The following FBXW4 variants were observed in gnomAD, a reference collection of about 807,000 sequenced individuals.
FBXW4 encodes F-box and WD repeat domain containing 4.
Under a neutral mutation model 61.8 loss-of-function variants are expected in FBXW4, and 40 were observed. The ratio of observed to expected loss-of-function variants is 0.65; its 90% CI spans 0.50 to 0.84. The LOEUF is 0.84. Ranked by LOEUF, FBXW4 falls within the 40% of genes least tolerant of loss-of-function variation. The pLI, the probability that FBXW4 is intolerant of heterozygous loss-of-function variation, is 0.00. For synonymous variants in FBXW4, 311 were observed against 313.8 expected (o/e 0.99, Z 0.10); for missense variants, 672 against 753.8 (o/e 0.89, Z 1.27).
At chr10:101,689,797 C>T (rs1211749528) in intron 1 of FBXW4, among the ~76,000 whole-genome samples, 1 of 152,192 alleles carries the variant, frequency 6.6e-6, no homozygotes, top group African/African-American at 2.4e-5. Context: ...GTGTCTATCT[C>T]ACCACTCTGG....
rs554193808 is a variant in FBXW4, at chr10:101,621,168, C to T, written c.1301+3577G>A. On this transcript the variant is annotated intron_variant, in intron 6 of 8. Coordinates refer to ENST00000331272, the MANE Select transcript of FBXW4 (RefSeq NM_022039.4). ...CCCATTGTCAAGAGCCTTCCCTGTGCCAGGAGTTCAGCAGGTTCACCTCCG... is the reference window on the plus strand; with the variant it reads ...CCCATTGTCAAGAGCCTTCCCTGTGTCAGGAGTTCAGCAGGTTCACCTCCG... Among the ~76,000 whole-genome samples the T allele has an allele frequency of 1.6e-3, 242 of 152,270 alleles. 1 individual carries two copies. Among genetic ancestry groups the T allele is most frequent in the African/African-American group, 5.7e-3 (237 of 41,528 alleles).
At chr10:101,631,084 G>A (rs747143620) in intron 5 of FBXW4, among the ~76,000 whole-genome samples, 2 of 152,116 alleles carry the variant, frequency 1.3e-5, no homozygotes, top group Admixed American at 1.3e-4. Context: ...AACTAAAGCC[G>A]AATAAGAACA....
At chr10:101,614,419 C>T (rs1375773406) in intron 6 of FBXW4, among the ~76,000 whole-genome samples, 1 of 152,200 alleles carries the variant, frequency 6.6e-6, no homozygotes, top group Non-Finnish European at 1.5e-5. Context: ...CCAGACTGGG[C>T]TGCCAAGCTG....
intron 5 of FBXW4, among the ~76,000 whole-genome samples, chr10:101,652,083 TC>T (rs1260557220): frequency 3.9e-5 from 6 of 152,052 alleles, no homozygotes; most frequent in Non-Finnish European, 7.4e-5. Flanking sequence ...TCTGATTCCT[TC>T]TTTGCTTCCC....
In FBXW4 at chr10:101,694,256, C is replaced by T; in HGVS notation, c.725+125G>A. 1 of 896,642 alleles carries T rather than the reference C, an allele frequency of 1.1e-6. No individual in the cohort carries two copies. Among genetic ancestry groups the T allele is most frequent in the Non-Finnish European group, 1.5e-6 (1 of 663,164 alleles). The allele number at this position is 896,642 out of a possible 1,614,324, so 55.5% of individuals were successfully genotyped here. The stretch of plus-strand genomic sequence containing the variant: ...CTCGGGAAAGGGTGTAGGCGGAGGT[C>T]AGGTGTAGGCCTAGAAACTCGGGGT... On this transcript the variant is annotated intron_variant, in intron 1 of 8. Transcript: ENST00000331272. The surrounding 1 kb of genome is among the most constrained non-coding windows in gnomAD (Gnocchi z 6.0).
intron 3 of FBXW4, 96 bp downstream of exon 3, chr10:101,673,392 A>T (rs2064376549): frequency 7.2e-7 from 1 of 1,387,930 alleles, no homozygotes; most frequent in Non-Finnish European, 1.0e-6. Context: ...CTCCCTCCTC[A>T]TCCCTTTGGA....
At chr10:101,692,114 G>C (rs1246171268) in intron 1 of FBXW4, among the ~76,000 whole-genome samples, 1 of 151,720 alleles carries the variant, frequency 6.6e-6, no homozygotes, top group Non-Finnish European at 1.5e-5. Context: ...GAGTTGAACA[G>C]AAGTGTAGAA....
chr10:101,617,628 C>G (rs1589738502), intron 6 of FBXW4, among the ~76,000 whole-genome samples: 1 of 152,350 alleles, frequency 6.6e-6, no homozygotes, highest in East Asian at 1.9e-4. Flanking sequence ...GACACAATGG[C>G]TCAAAGGCCA....
chr10:101,692,508 C>A (rs1380466764), intron 1 of FBXW4, among the ~76,000 whole-genome samples: 1 of 151,900 alleles, frequency 6.6e-6, no homozygotes, highest in Non-Finnish European at 1.5e-5. Context: ...GTAATCCCAG[C>A]ACTTTGGGAG....
intron 1 of FBXW4, among the ~76,000 whole-genome samples, chr10:101,684,018 C>T (rs1340380601): frequency 6.6e-6 from 1 of 152,172 alleles, no homozygotes; most frequent in Admixed American, 6.5e-5. Context: ...GGCTGGAGTG[C>T]AGTAGCACAA....
chr10:101,673,716 G>C, intron 2 of FBXW4, 43 bp from the exon 3 acceptor site: 1 of 1,578,624 alleles, frequency 6.3e-7, no homozygotes, highest in Non-Finnish European at 8.7e-7. Flanking sequence ...TCAAGATACA[G>C]TATGAAAACT....
chr10:101,640,683 GATTGGGTTTTGCTGT>G (rs2064044141), intron 5 of FBXW4, among the ~76,000 whole-genome samples: 1 of 146,954 alleles, frequency 6.8e-6, no homozygotes, highest in Non-Finnish European at 1.5e-5. Context: ...TTTAAGTAGA[GATTGGGTTTTGCTGT>G]ATTGGTCTCA....
intron 6 of FBXW4, among the ~76,000 whole-genome samples, chr10:101,620,122 G>A (rs1368049399): frequency 6.6e-6 from 1 of 151,998 alleles, no homozygotes; most frequent in Non-Finnish European, 1.5e-5. Context: ...CGCTCCTCAA[G>A]TTGCAGCAGT....
At chr10:101,629,832 T>TTGAA (rs552410374) in intron 5 of FBXW4, among the ~76,000 whole-genome samples, 247 of 151,976 alleles carry the variant, frequency 1.6e-3, no homozygotes, top group Non-Finnish European at 2.6e-3. Context: ...TGCTTATTGA[T>TTGAA]TGAATGAATG....
In FBXW4 at chr10:101,611,640, C is replaced by T. The variant is rs1370577074; in HGVS notation, c.1572G>A (p.Arg524=). The change falls in exon 8 of 9, where the codon AGG becomes AGA. Residue 524 remains arginine, a synonymous_variant. Transcript: ENST00000331272. The surrounding 1 kb of genome is among the most constrained non-coding windows in gnomAD (Gnocchi z 4.9). ...GVVRLWDRRQ[R]ACLHAFPLTS... Reference sequence around the variant, plus strand: ...GCAGGACACTTACGTGCAGGCAGGCCCTTTGACGCCGGTCCCACAGCCGTA... The same window carrying T: ...GCAGGACACTTACGTGCAGGCAGGCTCTTTGACGCCGGTCCCACAGCCGTA... 1.9e-6 allele frequency: 3 copies of T among 1,614,046 alleles called. No homozygotes were observed. The African/African-American group carries it at 4.0e-5, about 22-fold the overall frequency.
intron 1 of FBXW4, among the ~76,000 whole-genome samples, chr10:101,691,614 ATC>A (rs764591166): frequency 4.6e-4 from 70 of 152,290 alleles, no homozygotes; most frequent in Non-Finnish European, 8.1e-4. Flanking sequence ...CATTCCCAAT[ATC>A]TCTCTTTTAG....
At chr10:101,664,268 G>C (rs1466701998) in intron 5 of FBXW4, among the ~76,000 whole-genome samples, 1 of 152,186 alleles carries the variant, frequency 6.6e-6, no homozygotes, top group African/African-American at 2.4e-5. Flanking sequence ...CAGCATCAGA[G>C]ATAAATAAGA....
chr10:101,693,853 TA>T (rs1003641934), intron 1 of FBXW4, among the ~76,000 whole-genome samples: 23 of 152,280 alleles, frequency 1.5e-4, no homozygotes, highest in Admixed American at 1.4e-3. Context: ...TATGAAGTCA[TA>T]AACTATGGCT....
At chr10:101,676,510 G>T in intron 1 of FBXW4, 74 bp from the exon 2 acceptor site, 1 of 1,213,432 alleles carries the variant, frequency 8.2e-7, no homozygotes, top group Non-Finnish European at 1.2e-6. Flanking sequence ...TGGGCTTACT[G>T]AGTCAGGATT....
Sources: gnomAD v4.1 joint callset for allele counts (sites outside exome capture counted in the v4.1 genomes callset) on GRCh38, gnomAD v4.1.1 for gene constraint, Gnocchi (gnomAD v3.1) non-coding constraint, MANE v1.5 for transcripts, NCBI Gene and HGNC (gene_info 2026-07-23, HGNC 2026-07-21) for gene names.